PM20D1: variants seen among roughly 807,000 people sequenced by gnomAD.
PM20D1 encodes peptidase M20 domain containing 1, also known as N-fatty-acyl-amino acid synthase/hydrolase PM20D1.
In PM20D1, 53 loss-of-function variants were observed where a neutral mutation model predicts 53.8. The ratio of observed to expected loss-of-function variants is 0.98; its 90% confidence interval spans 0.79 to 1.24. The LOEUF (loss-of-function observed/expected upper bound fraction) is 1.24. PM20D1 is among the 50% of genes most tolerant of loss of function. The pLI, the probability that PM20D1 is intolerant of heterozygous loss-of-function variation, is 0.00. For synonymous variants in PM20D1, 239 were observed against 241.3 expected, an observed-to-expected ratio of 0.99 and a Z score of 0.09; for missense variants, 564 against 616.8, an observed-to-expected ratio of 0.91 and a Z score of 0.91.
chr1:205,830,258 T>C, intron 12 of PM20D1, 22 bp downstream of exon 12: 1 of 1,514,452 alleles, frequency 6.6e-7, no homozygotes, highest in Non-Finnish European at 9.2e-7. Context: ...TCCCACCTGC[T>C]GCTCAAACCT....
intron 9 of PM20D1, among the ~76,000 whole-genome samples, chr1:205,841,027 C>G (rs774893765): frequency 4.6e-5 from 7 of 152,166 alleles, no homozygotes; most frequent in Non-Finnish European, 5.9e-5. Flanking sequence ...AGCTGGTTCC[C>G]TCTTATCCTT....
chr1:205,845,298 A>G, intron 3 of PM20D1, 27 bp downstream of exon 3: 3 of 1,604,246 alleles, frequency 1.9e-6, no homozygotes, highest in Non-Finnish European at 2.6e-6. Context: ...TAGGGCCCCA[A>G]GGCAGAGGGA....
chr1:205,832,766 CCTCCAGG>C lies in PM20D1; in HGVS notation c.1117-7_1117-1del. The C allele has an allele frequency of 6.3e-7, 1 of 1,577,756 alleles. No individual in the cohort carries two copies. The highest frequency in any genetic ancestry group is 8.6e-7 in the Non-Finnish European group (1 of 1,161,664). ...ACAATGTTCTTCGTGAGTTCTAGGA[CCTCCAGG>C]GTAGAAACAAAGGGGGTTCGATTTC... On this transcript the variant is annotated splice_acceptor_variant and splice_polypyrimidine_tract_variant and intron_variant, in intron 10 of 12. Coordinates refer to ENST00000367136, the MANE Select transcript of PM20D1 (RefSeq NM_152491.5). LOFTEE classifies it high-confidence loss of function.
chr1:205,832,816 T>C (rs1010423631), intron 10 of PM20D1, 50 bp from the exon 11 acceptor site: 2 of 1,497,638 alleles, frequency 1.3e-6, no homozygotes, highest in Admixed American at 4.4e-5. Context: ...TTTCTATACA[T>C]GTACAATATG....
Position 205,845,401 on chromosome 1 carries a change from AC to A in PM20D1, c.412del (p.Val138CysfsTer25). On this transcript the variant is annotated frameshift_variant, in exon 3 of 13. Coordinates refer to ENST00000367136, the MANE Select transcript of PM20D1 (RefSeq NM_152491.5). LOFTEE classifies it high-confidence loss of function. Reference sequence around the variant, plus strand: ...ACGCTCCAACCCAGAGAATGGGGGCACCTCCCAGCCTTCTTCAGGGGCAGGC... The same window carrying A: ...ACGCTCCAACCCAGAGAATGGGGGCACTCCCAGCCTTCTTCAGGGGCAGGC... ...VVPAPEEGWE[V>X]PPFSGLERDG... The A allele has an allele frequency of 6.2e-7, 1 of 1,614,096 alleles. No homozygotes were observed. The highest frequency in any genetic ancestry group is 8.5e-7 in the Non-Finnish European group (1 of 1,180,022).
rs1279946003 is a variant in PM20D1, at chr1:205,840,324, C to T, written c.1045-1G>A. The stretch of plus-strand genomic sequence containing the variant: ...GGGCCACTGGGGGGATGACATTGAA[C>T]TAGAGAGAGAAGCACAAAACCCTGG... On this transcript the variant is annotated splice_acceptor_variant, in intron 9 of 12. Transcript: ENST00000367136. LOFTEE classifies it high-confidence loss of function. The T allele has an allele frequency of 5.0e-6, 8 of 1,613,348 alleles. No individual in the cohort carries two copies. Among genetic ancestry groups the T allele is most frequent in the Non-Finnish European group, 6.8e-6 (8 of 1,179,652 alleles).
intron 12 of PM20D1, chr1:205,830,044 C>T (rs922961344): frequency 7.1e-6 from 3 of 421,198 alleles, no homozygotes; most frequent in Non-Finnish European, 1.3e-5. Flanking sequence ...CCCCAATCAC[C>T]CAATTATCTC....
At chr1:205,834,095 G>T (rs142603920) in intron 10 of PM20D1, among the ~76,000 whole-genome samples, 15 of 150,552 alleles carry the variant, frequency 1.0e-4, no homozygotes, top group African/African-American at 3.4e-4. Flanking sequence ...TGATCTGCCC[G>T]CCTTGGCCTC....
rs114776144 is a variant in PM20D1, at chr1:205,832,628, C to T, written c.1255G>A (p.Val419Ile). Residue 419 changes from valine to isoleucine, a missense_variant, in exon 11 of 13, where the codon GTC (valine) becomes ATC (isoleucine). Transcript: ENST00000367136. Reference sequence around the variant, plus strand: ...GCAGTAATATTGACTTCCGGGAAGACGGACTGTACGGTCTGGCGGAGCAGC... The same window carrying T: ...GCAGTAATATTGACTTCCGGGAAGATGGACTGTACGGTCTGGCGGAGCAGC... ...YQLLRQTVQSVFPEVNITAPV... is the reference protein window; with the variant it reads ...YQLLRQTVQSIFPEVNITAPV... The T allele has an allele frequency of 9.7e-3, 15,737 of 1,614,070 alleles. 93 individuals are homozygous for T. The highest frequency in any genetic ancestry group is 0.012 in the Non-Finnish European group (13,691 of 1,179,980).
rs1420007583 is a variant in PM20D1, at chr1:205,832,824, AT to A, written c.1117-59del. ...TTATTGATTTCTATACATGTACAAT[AT>A]GGGCTTAAATATCCTGATTTCTTTC... On this transcript the variant is annotated intron_variant, in intron 10 of 12. Coordinates refer to ENST00000367136, the MANE Select transcript of PM20D1 (RefSeq NM_152491.5). The A allele has an allele frequency of 9.0e-5, 133 of 1,473,846 alleles. 2 individuals are homozygous for A. The East Asian group carries it at 3.2e-3, about 36-fold the overall frequency. 91.3% of individuals were successfully genotyped at this position (1,473,846 alleles called of 1,614,324 possible).
rs1001518907 is a variant in PM20D1 at position 205,844,868 on chromosome 1, C to G, written c.519G>C (p.Leu173=). Residue 173 remains leucine, a synonymous_variant, in exon 4 of 13, where the codon CTG becomes CTC. Transcript: ENST00000367136. ...MALLQALELL[L]IRKYIPRRSF... The stretch of plus-strand genomic sequence containing the variant: ...ATCTTCGGGGGATGTACTTCCTGAT[C>G]AGCAGGAGCTCCAAGGCCTGCAGTA... The G allele has an allele frequency of 1.2e-6, 2 of 1,613,808 alleles. No homozygotes were observed. Among genetic ancestry groups the G allele is most frequent in the Non-Finnish European group, 1.7e-6 (2 of 1,180,008 alleles).
chr1:205,832,860 A>T, intron 10 of PM20D1, 94 bp from the exon 11 acceptor site: 9 of 1,393,484 alleles, frequency 6.5e-6, no homozygotes, highest in Non-Finnish European at 8.7e-6. Context: ...CCAGCAAGGC[A>T]GAGCCTCAGG....
At position 205,848,004 on chromosome 1, in the gene PM20D1, A is replaced by C. The variant is rs566945641; in HGVS notation, c.170-33T>G. On this transcript the variant is annotated intron_variant, in intron 1 of 12. Coordinates refer to ENST00000367136, the MANE Select transcript of PM20D1 (RefSeq NM_152491.5). ...AGTCAAATAGAGATGAAAGATTGAA[A>C]ATGAATTAGTCATTGTTTTTTTCTA... The C allele has an allele frequency of 2.0e-5, 32 of 1,588,142 alleles. No individual in the cohort carries two copies. In the South Asian group the frequency reaches 2.7e-4, roughly 13 times the overall value.
At chr1:205,842,078 T>G (rs1329688180) in intron 8 of PM20D1, 76 bp downstream of exon 8, 22 of 1,450,856 alleles carry the variant, frequency 1.5e-5, no homozygotes, top group Middle Eastern at 1.7e-4. Flanking sequence ...CAGGCCCAGT[T>G]AAGCCAAGGA....
intron 1 of PM20D1, 114 bp from the exon 2 acceptor site, chr1:205,848,085 A>G: frequency 2.1e-6 from 2 of 945,636 alleles, no homozygotes; most frequent in East Asian, 4.9e-5. Flanking sequence ...GCAGAGGGCA[A>G]AACACTAATG....
At chr1:205,845,272 C>G in intron 3 of PM20D1, 53 bp downstream of exon 3, 6 of 1,554,304 alleles carry the variant, frequency 3.9e-6, no homozygotes, top group Non-Finnish European at 5.3e-6. Context: ...CAAGCACCCC[C>G]ATCCTGATTG....
At chr1:205,844,299 C>T in intron 4 of PM20D1, 82 bp from the exon 5 acceptor site, 2 of 1,433,964 alleles carry the variant, frequency 1.4e-6, no homozygotes, top group Admixed American at 2.3e-5. Flanking sequence ...CCTATTCAGC[C>T]TAGCTAGGGG....
intron 9 of PM20D1, 39 bp downstream of exon 9, chr1:205,841,772 G>A: frequency 1.3e-6 from 2 of 1,518,044 alleles, no homozygotes; most frequent in Non-Finnish European, 1.8e-6. Flanking sequence ...GTGGAGGGCG[G>A]TAGGGAAAAG....
chr1:205,848,319 G>C (rs1240064378), intron 1 of PM20D1, among the ~76,000 whole-genome samples: 3 of 152,152 alleles, frequency 2.0e-5, no homozygotes, highest in Admixed American at 6.5e-5. Flanking sequence ...GCTTCCTAAG[G>C]CCTCACTACC....
Sources: allele counts gnomAD v4.1 joint callset (sites outside exome capture counted in the v4.1 genomes callset), GRCh38; gene constraint gnomAD v4.1.1; transcripts MANE v1.5; gene names NCBI Gene and HGNC (gene_info 2026-07-23, HGNC 2026-07-21).